The following CADM2 variants were observed in gnomAD, a reference collection of about 807,000 sequenced individuals.
CADM2 encodes the protein immunoglobulin superfamily member 4D.
Under a neutral mutation model 49.8 loss-of-function variants are expected in CADM2, and 12 were observed. That is an observed-to-expected ratio of 0.24 (90% CI 0.15 to 0.39). The LOEUF (loss-of-function observed/expected upper bound fraction) is 0.39. CADM2 is among the 10% of genes least tolerant of loss of function. The pLI, the probability that CADM2 is intolerant of heterozygous loss-of-function variation, is 1.00. For missense variants in CADM2, 378 were observed against 492.3 expected (o/e 0.77, Z 2.20); for synonymous variants, 214 against 175.4 (o/e 1.22, Z -1.74).
chr3:85,311,664 C>T (rs1046421644), intron 1 of CADM2, among the ~76,000 whole-genome samples: 2 of 152,164 alleles, frequency 1.3e-5, no homozygotes, highest in African/African-American at 4.8e-5. Context: ...GCGTGAGCCA[C>T]CACGCCCGGC....
intron 6 of CADM2, among the ~76,000 whole-genome samples, chr3:85,922,507 A>G (rs1719255904): frequency 6.6e-6 from 1 of 151,998 alleles, no homozygotes; most frequent in South Asian, 2.1e-4. Context: ...GAAAAACCGG[A>G]CTTTTTATTA....
chr3:85,583,907 A>G (rs2062863670), intron 1 of CADM2, among the ~76,000 whole-genome samples: 1 of 152,060 alleles, frequency 6.6e-6, no homozygotes, highest in Non-Finnish European at 1.5e-5. Context: ...GAAAATTCCA[A>G]CTATAGAAAA....
intron 1 of CADM2, among the ~76,000 whole-genome samples, chr3:85,288,177 C>A (rs907119690): frequency 6.6e-6 from 1 of 152,046 alleles, no homozygotes; most frequent in Non-Finnish European, 1.5e-5. Context: ...ACTTTCTGAA[C>A]TTGTTTCCTT....
rs895980898 is a variant in CADM2 at position 85,825,681 on chromosome 3, A to T, written c.238+23485A>T. The stretch of plus-strand genomic sequence containing the variant: ...CTGTAGGATTTGGAATACATATTTT[A>T]TTTTATATTTTCTAAATTAACTTTG... On this transcript the variant is annotated intron_variant, in intron 3 of 9. Coordinates refer to ENST00000383699, the MANE Select transcript of CADM2 (RefSeq NM_001167675.2). Among the ~76,000 whole-genome samples, 73 of 152,062 alleles carry T rather than the reference A, an allele frequency of 4.8e-4. 2 individuals carry two copies. Among genetic ancestry groups the T allele is most frequent in the Admixed American group, 3.2e-3 (49 of 15,222 alleles).
chr3:85,987,071 G>A (rs555784416), intron 8 of CADM2, among the ~76,000 whole-genome samples: 2 of 151,856 alleles, frequency 1.3e-5, no homozygotes, highest in African/African-American at 4.8e-5. Flanking sequence ...ACTAAATTGA[G>A]CATTTCCATC....
chr3:85,057,004 C>T (rs1452403452), intron 1 of CADM2, among the ~76,000 whole-genome samples: 1 of 152,050 alleles, frequency 6.6e-6, no homozygotes, highest in Non-Finnish European at 1.5e-5. Flanking sequence ...TGAAAGTTTC[C>T]ATGTAATTCT....
intron 1 of CADM2, among the ~76,000 whole-genome samples, chr3:85,315,634 A>C (rs970034675): frequency 1.3e-5 from 2 of 152,184 alleles, no homozygotes; most frequent in African/African-American, 4.8e-5. Context: ...TCCAATATTA[A>C]ATCTTTTAAT....
Position 85,313,205 on chromosome 3 carries a change from C to T in CADM2, c.61+353537C>T, listed in dbSNP as rs1272797207. On this transcript the variant is annotated intron_variant, in intron 1 of 9. Transcript: ENST00000383699. The stretch of plus-strand genomic sequence containing the variant: ...GGGAAGCTTCTAATACTTCTAAAAA[C>T]TGGTGGATACACAGAGAGTGAACGC... Among the ~76,000 whole-genome samples the T allele has an allele frequency of 1.7e-4, 26 of 152,196 alleles. 1 individual carries two copies. The highest frequency in any genetic ancestry group is 1.7e-3 in the Admixed American group (26 of 15,272).
chr3:85,181,794 A>ATC (rs1244416362), intron 1 of CADM2, among the ~76,000 whole-genome samples: 1 of 150,848 alleles, frequency 6.6e-6, no homozygotes, highest in Non-Finnish European at 1.5e-5. Context: ...ATTGTTATAT[A>ATC]TCTCTCTCTA....
intron 3 of CADM2, among the ~76,000 whole-genome samples, chr3:85,812,134 G>T (rs1034519314): frequency 1.3e-5 from 2 of 151,980 alleles, no homozygotes; most frequent in Non-Finnish European, 2.9e-5. Flanking sequence ...TCTATATATG[G>T]GTGTGGTGGA....
At chr3:85,728,021 A>G (rs2067774466) in intron 2 of CADM2, among the ~76,000 whole-genome samples, 1 of 152,212 alleles carries the variant, frequency 6.6e-6, no homozygotes, top group African/African-American at 2.4e-5. Context: ...GAGTCATTAC[A>G]GTATTTGATC....
chr3:85,727,659 G>T (rs1167178784), intron 2 of CADM2, among the ~76,000 whole-genome samples: 1 of 152,150 alleles, frequency 6.6e-6, no homozygotes, highest in Non-Finnish European at 1.5e-5. Context: ...AGGATGAGAA[G>T]TGTAGTTTTA....
At chr3:85,728,261 C>A (rs1467788452) in intron 2 of CADM2, among the ~76,000 whole-genome samples, 1 of 152,142 alleles carries the variant, frequency 6.6e-6, no homozygotes, top group Non-Finnish European at 1.5e-5. Flanking sequence ...ACACTTCCAT[C>A]CCCAGTGTTC....
chr3:85,030,492 A>G (rs1389362640), intron 1 of CADM2, among the ~76,000 whole-genome samples: 2 of 152,212 alleles, frequency 1.3e-5, no homozygotes, highest in Non-Finnish European at 2.9e-5. Flanking sequence ...TCAATAATAG[A>G]CTGCTTTTCT....
Position 85,877,684 on chromosome 3 carries a change from G to GTTTTTT in CADM2, c.239-5593_239-5588dup, listed in dbSNP as rs368101272. Among the ~76,000 whole-genome samples, 88 of 111,954 alleles carry GTTTTTT rather than the reference G, an allele frequency of 7.9e-4. 1 individual carries two copies. The highest frequency in any genetic ancestry group is 2.8e-3 in the African/African-American group (83 of 29,906). 73.4% of individuals were successfully genotyped at this position (111,954 alleles called of 152,430 possible). A position where few individuals can be genotyped will look rare whatever the true frequency, so the allele number is the denominator to read the frequency against. Reference sequence around the variant, plus strand: ...CTAAATGGAACATTTTTTTTCTTCTGTTTTTTTTTTTTTTTTTTTGGTTTT... The same window carrying GTTTTTT: ...CTAAATGGAACATTTTTTTTCTTCTGTTTTTTTTTTTTTTTTTTTTTTTTTGGTTTT... On this transcript the variant is annotated intron_variant, in intron 3 of 9. Coordinates refer to ENST00000383699, the MANE Select transcript of CADM2 (RefSeq NM_001167675.2).
At chr3:85,061,417 T>C (rs979761718) in intron 1 of CADM2, among the ~76,000 whole-genome samples, 1 of 152,198 alleles carries the variant, frequency 6.6e-6, no homozygotes, top group Non-Finnish European at 1.5e-5. Flanking sequence ...ATCCTTTCAA[T>C]GTTTGCTTAT....
chr3:85,744,970 T>C (rs190974973), intron 2 of CADM2, among the ~76,000 whole-genome samples: 1 of 152,304 alleles, frequency 6.6e-6, no homozygotes, highest in Admixed American at 6.5e-5. Flanking sequence ...CAAGATGTTA[T>C]TGTAATACTA....
chr3:85,724,805 C>A (rs868441860), intron 1 of CADM2, among the ~76,000 whole-genome samples: 1 of 151,594 alleles, frequency 6.6e-6, no homozygotes, highest in African/African-American at 2.4e-5. Flanking sequence ...TGCTATATTA[C>A]CTGTAATTTT....
chr3:85,889,936 G>A (rs1038958981), intron 5 of CADM2, among the ~76,000 whole-genome samples: 2 of 152,086 alleles, frequency 1.3e-5, no homozygotes, highest in African/African-American at 4.8e-5. Context: ...AGAGGTTAAG[G>A]CTCAACAGTT....
Sources: gnomAD v4.1 joint callset for allele counts (sites outside exome capture counted in the v4.1 genomes callset) on GRCh38, gnomAD v4.1.1 for gene constraint, MANE v1.5 for transcripts, NCBI Gene and HGNC (gene_info 2026-07-23, HGNC 2026-07-21) for gene names.